PSMA4: variants seen among roughly 807,000 people sequenced by gnomAD.
PSMA4 encodes the protein proteasome 20S subunit alpha 4, also known as proteasome subunit alpha type-4.
In PSMA4, 8 loss-of-function variants were observed where a neutral mutation model predicts 37.2. The ratio of observed to expected loss-of-function variants is 0.22; its 90% CI spans 0.13 to 0.39. The LOEUF (loss-of-function observed/expected upper bound fraction) is 0.39, where lower values mean the gene tolerates loss of function less well. PSMA4 is among the 10% of genes least tolerant of loss of function. The pLI is 1.00. For missense variants in PSMA4, 169 were observed against 305.1 expected, an observed-to-expected ratio of 0.55 and a Z score of 3.32; for synonymous variants, 93 against 98.8, an observed-to-expected ratio of 0.94 and a Z score of 0.35.
rs775285488 is a variant in PSMA4 at position 78,545,776 on chromosome 15, T to C, written c.507+12T>C. On this transcript the variant is annotated intron_variant, in intron 7 of 8. Transcript: ENST00000044462. ...GAAATAATAGCGCTGTGAGTATTTT[T>C]GTTGTGCTATAAAATCTAGCAGAAT... The C allele has an allele frequency of 6.2e-7, 1 of 1,613,214 alleles. No homozygotes were observed. The highest frequency in any genetic ancestry group is 1.1e-5 in the South Asian group (1 of 91,036).
chr15:78,544,001 T>G (rs764128737), intron 4 of PSMA4, 189 bp from the exon 5 acceptor site: 16 of 519,818 alleles, frequency 3.1e-5, no homozygotes, highest in South Asian at 1.1e-4. Context: ...TTTGTTTATC[T>G]TTCATGTTGA....
intron 4 of PSMA4, chr15:78,543,674 T>A (rs1201292067): frequency 6.6e-6 from 1 of 150,782 alleles, no homozygotes; most frequent in African/African-American, 2.4e-5. Context: ...GCTCAAGTGA[T>A]CCTCCCACCT....
chr15:78,543,359 G>A (rs1328251533), intron 4 of PSMA4, among the ~76,000 whole-genome samples: 2 of 152,072 alleles, frequency 1.3e-5, no homozygotes, highest in Non-Finnish European at 2.9e-5. Flanking sequence ...TTGGCTAGGC[G>A]TAGTCACAGG....
Position 78,542,184 on chromosome 15 carries a change from G to T in PSMA4, c.11G>T (p.Arg4Ile). ...TGTGTTTTTCCTTTGCAGTCTCGAA[G>T]ATATGACTCCAGGACCACTATATTT... MSR[R>I]YDSRTTIFSP... is the part of the protein sequence containing the mutation. The change falls in exon 3 of 9, where the codon AGA becomes ATA. Residue 4 changes from arginine to isoleucine, a missense_variant. This residue lies in a region of PSMA4 where 79 missense variants were observed against 212.4 expected (regional missense o/e 0.37). Transcript: ENST00000044462. 2 of 1,612,050 alleles carry T rather than the reference G, an allele frequency of 1.2e-6. No homozygotes were observed. Among genetic ancestry groups the T allele is most frequent in the Non-Finnish European group, 1.7e-6 (2 of 1,179,312 alleles).
At position 78,542,528 on chromosome 15, in the gene PSMA4, C is replaced by T. The variant is rs2052473108; in HGVS notation, c.92C>T (p.Ala31Val). ...VEYAMEAIGH[A>V]GTCLGILAND... ...TATGCCATGGAAGCTATTGGACATG[C>T]AGGCACCTGTTTGGGAATTTTAGCA... The change falls in exon 4 of 9, where the codon GCA becomes GTA. Residue 31 changes from alanine (A) to valine (V), a missense_variant. By Grantham distance (64) the Ala-to-Val change is moderately conservative (BLOSUM62 0). This residue lies in a region of PSMA4 where 79 missense variants were observed against 212.4 expected (regional missense o/e 0.37). Transcript: ENST00000044462. The T allele has an allele frequency of 6.2e-7, 1 of 1,614,148 alleles. No individual in the cohort carries two copies. Among genetic ancestry groups the T allele is most frequent in the African/African-American group, 1.3e-5 (1 of 75,046 alleles).
intron 3 of PSMA4, 88 bp from the exon 4 acceptor site, chr15:78,542,395 C>T (rs1321191178): frequency 1.3e-5 from 20 of 1,492,512 alleles, no homozygotes; most frequent in Non-Finnish European, 1.7e-5. Context: ...AAATTTGTTT[C>T]TAGCTTGCTT....
chr15:78,543,214 T>C (rs968846915), intron 4 of PSMA4, among the ~76,000 whole-genome samples: 3 of 152,184 alleles, frequency 2.0e-5, no homozygotes, highest in African/African-American at 7.2e-5. Flanking sequence ...GAGCTGACCG[T>C]GCTAAGTAGA....
rs1018814098 is a variant in PSMA4, at chr15:78,552,312, C to T, written c.*3368C>T. 6.6e-6 allele frequency: 1 copy of T among 152,190 alleles called. No homozygotes were observed. Among genetic ancestry groups the T allele is most frequent in the African/African-American group, 2.4e-5 (1 of 41,436 alleles). 9.4% of individuals were successfully genotyped at this position (152,190 alleles called of 1,614,324 possible). A position where few individuals can be genotyped will look rare whatever the true frequency, so the allele number is the denominator to read the frequency against. Reference sequence around the variant, plus strand: ...ATATAAATAAGTAGAAAACCAAAGACAGCTAAGTTTTAAATCTTGAGTCAA... The same window carrying T: ...ATATAAATAAGTAGAAAACCAAAGATAGCTAAGTTTTAAATCTTGAGTCAA... On this transcript the variant is annotated 3_prime_UTR_variant, in exon 9 of 9. Transcript: ENST00000044462.
At position 78,546,403 on chromosome 15, in the gene PSMA4, C is replaced by T. The variant is rs77058612; in HGVS notation, c.508-172C>T. Among the ~76,000 whole-genome samples the T allele has an allele frequency of 7.4e-3, 1,120 of 150,954 alleles. 98 individuals are homozygous for T. The East Asian group carries it at 0.2, about 27-fold the overall frequency. On this transcript the variant is annotated intron_variant, in intron 7 of 8. Transcript: ENST00000044462. ...ACTTGAAGATACAGTGAGCTGAGAT[C>T]ATGCCACTACACTCCAGCCTGGGCA...
At position 78,541,915 on chromosome 15, in the gene PSMA4, A is replaced by T; in HGVS notation, c.-13A>T. On this transcript the variant is annotated 5_prime_UTR_variant, in exon 2 of 9. Coordinates refer to ENST00000044462, the MANE Select transcript of PSMA4 (RefSeq NM_002789.6). ...ATTTTCTTTTTACAGGAACTATATA[A>T]AGTTCAGAAAACATGGTGAGTTAAT... 4 of 1,590,692 alleles carry T rather than the reference A, an allele frequency of 2.5e-6. No individual in the cohort carries two copies. The highest frequency in any genetic ancestry group is 3.4e-6 in the Non-Finnish European group (4 of 1,162,112).
chr15:78,545,323 A>AT (rs1441374330), intron 6 of PSMA4, among the ~76,000 whole-genome samples: 3 of 152,224 alleles, frequency 2.0e-5, no homozygotes, highest in Admixed American at 6.5e-5. Context: ...CACCATGTAG[A>AT]TTACCCTCGT....
chr15:78,541,764 A>G (rs2052457538), intron 1 of PSMA4, 141 bp from the exon 2 acceptor site: 2 of 701,482 alleles, frequency 2.9e-6, no homozygotes, highest in African/African-American at 1.8e-5. Flanking sequence ...CTGGTTTTAC[A>G]CATTTTGGTA....
intron 2 of PSMA4, 109 bp from the exon 3 acceptor site, chr15:78,542,068 C>G: frequency 6.9e-7 from 1 of 1,448,834 alleles, no homozygotes; most frequent in Non-Finnish European, 9.6e-7. Context: ...TTTCCTCTCA[C>G]CTATTGAACT....
At position 78,550,531 on chromosome 15, in the gene PSMA4, C is replaced by G. The variant is rs1468870365; in HGVS notation, c.*1587C>G. On this transcript the variant is annotated 3_prime_UTR_variant, in exon 9 of 9. Coordinates refer to ENST00000044462, the MANE Select transcript of PSMA4 (RefSeq NM_002789.6). ...AGACGGTGAGCAGGGAAGGTCTCAC[C>G]ATGTTTCCCATGCCGGTCTCAAGCT... is the stretch of plus-strand genomic sequence containing the variant. 2.6e-5 allele frequency: 4 copies of G among 152,012 alleles called. No homozygotes were observed. Among genetic ancestry groups the G allele is most frequent in the African/African-American group, 4.8e-5 (2 of 41,312 alleles). The allele number at this position is 152,012 out of a possible 1,614,324, so 9.4% of individuals were successfully genotyped here.
chr15:78,551,305 T>G lies in PSMA4; in HGVS notation c.*2361T>G, dbSNP rs2052639909. On this transcript the variant is annotated 3_prime_UTR_variant, in exon 9 of 9. Coordinates refer to ENST00000044462, the MANE Select transcript of PSMA4 (RefSeq NM_002789.6). ...GGTATCCTGTATTCTGGCCTTGTGC[T>G]ACCTTCCATGTGCTTCCTTCCTCAC... The G allele has an allele frequency of 6.6e-6, 1 of 152,212 alleles. No individual in the cohort carries two copies. Among genetic ancestry groups the G allele is most frequent in the African/African-American group, 2.4e-5 (1 of 41,420 alleles). 9.4% of individuals were successfully genotyped at this position (152,212 alleles called of 1,614,324 possible). A position where few individuals can be genotyped will look rare whatever the true frequency, so the allele number is the denominator to read the frequency against.
chr15:78,540,835 G>C (rs1394352085), intron 1 of PSMA4: 2 of 152,264 alleles, frequency 1.3e-5, no homozygotes, highest in Non-Finnish European at 2.9e-5. Flanking sequence ...TCAGGAGTTC[G>C]GTACGTGAAA....
At chr15:78,540,944 A>G (rs113882269) in intron 1 of PSMA4, 1,551 of 152,322 alleles carry the variant, frequency 0.01, 39 homozygotes, top group South Asian at 0.067. Flanking sequence ...CGAATCAGAA[A>G]TCCCCGGCGA....
At chr15:78,547,281 T>TA in intron 8 of PSMA4, among the ~76,000 whole-genome samples, 1 of 152,340 alleles carries the variant, frequency 6.6e-6, no homozygotes, top group Middle Eastern at 3.4e-3. Flanking sequence ...TACTCACAGA[T>TA]AGACATCCTG....
chr15:78,545,482 A>C, intron 6 of PSMA4, 152 bp from the exon 7 acceptor site: 1 of 857,848 alleles, frequency 1.2e-6, no homozygotes. Flanking sequence ...TCGAATTTGT[A>C]ATGGAGCTTA....
Sources: gnomAD v4.1 joint callset for allele counts (sites outside exome capture counted in the v4.1 genomes callset) on GRCh38, gnomAD v4.1.1 for gene constraint, gnomAD v4.1.1 regional missense constraint, MANE v1.5 for transcripts, NCBI Gene and HGNC (gene_info 2026-07-23, HGNC 2026-07-21) for gene names.